The following CYP7B1 variants were observed in gnomAD, a reference collection of about 807,000 sequenced individuals.
The protein encoded by CYP7B1 is cytochrome P450 family 7 subfamily B member 1, also known as cytochrome P450 7B1.
CYP7B1 carries 29 observed loss-of-function variants against 42.7 expected under a neutral mutation model. The observed-to-expected ratio is 0.68, with a 90% CI of 0.51 to 0.93. The LOEUF (loss-of-function observed/expected upper bound fraction) is 0.93. Among genes scored for constraint, CYP7B1 ranks in the 40% least tolerant of loss-of-function variants. CYP7B1 has a pLI of 0.00. For synonymous variants in CYP7B1, 235 were observed against 218.2 expected (o/e 1.08, Z -0.68); for missense variants, 655 against 600.5 (o/e 1.09, Z -0.95).
chr8:64,682,046 G>A (rs1276183468), intron 1 of CYP7B1, among the ~76,000 whole-genome samples: 3 of 152,186 alleles, frequency 2.0e-5, no homozygotes, highest in Non-Finnish European at 4.4e-5. Context: ...AGTGGCAGGG[G>A]AAAGCTTTCC....
At chr8:64,775,176 G>A (rs1804304321) in intron 1 of CYP7B1, among the ~76,000 whole-genome samples, 1 of 152,006 alleles carries the variant, frequency 6.6e-6, no homozygotes, top group Non-Finnish European at 1.5e-5. Flanking sequence ...CTAATTCTCT[G>A]AAATAGCATT....
At chr8:64,759,946 G>A (rs1395229070) in intron 1 of CYP7B1, among the ~76,000 whole-genome samples, 4 of 151,968 alleles carry the variant, frequency 2.6e-5, no homozygotes, top group African/African-American at 9.7e-5. Context: ...CCCAAGAGAG[G>A]ATCAATATTT....
At chr8:64,748,796 T>G (rs749329984) in intron 1 of CYP7B1, among the ~76,000 whole-genome samples, 1 of 152,158 alleles carries the variant, frequency 6.6e-6, no homozygotes, top group Non-Finnish European at 1.5e-5. Flanking sequence ...ACCTCCAAAC[T>G]CACATCCTTC....
chr8:64,636,581 C>T (rs931432482), intron 1 of CYP7B1, among the ~76,000 whole-genome samples: 7 of 152,050 alleles, frequency 4.6e-5, no homozygotes, highest in Non-Finnish European at 1.0e-4. Context: ...AAGATTTTTT[C>T]ATTCACTTGA....
At chr8:64,704,691 A>G (rs1181298562) in intron 1 of CYP7B1, among the ~76,000 whole-genome samples, 2 of 152,036 alleles carry the variant, frequency 1.3e-5, no homozygotes, top group African/African-American at 4.8e-5. Flanking sequence ...GCATTCAGGG[A>G]TATATAACAT....
chr8:64,758,770 G>A (rs1036079753), intron 1 of CYP7B1, among the ~76,000 whole-genome samples: 8 of 152,122 alleles, frequency 5.3e-5, no homozygotes, highest in Admixed American at 5.2e-4. Flanking sequence ...CTGTGGTAAG[G>A]ATCAGATGGA....
chr8:64,605,008 G>C (rs1459419991), intron 4 of CYP7B1, 151 bp from the exon 5 acceptor site: 16 of 951,904 alleles, frequency 1.7e-5, no homozygotes, highest in Non-Finnish European at 3.2e-6. Flanking sequence ...GGAGCCAAGG[G>C]TGGCTGTGCA....
intron 1 of CYP7B1, among the ~76,000 whole-genome samples, chr8:64,791,816 C>A (rs1217252451): frequency 6.6e-6 from 1 of 152,132 alleles, no homozygotes; most frequent in African/African-American, 2.4e-5. Context: ...GTAGAATTGG[C>A]TTTGGAGTTG....
At chr8:64,654,220 G>A (rs1806086243) in intron 1 of CYP7B1, among the ~76,000 whole-genome samples, 1 of 152,176 alleles carries the variant, frequency 6.6e-6, no homozygotes, top group African/African-American at 2.4e-5. Flanking sequence ...AGAAAGAGAA[G>A]AAGTCAAACT....
chr8:64,731,065 CA>C (rs1807402067), intron 1 of CYP7B1, among the ~76,000 whole-genome samples: 1 of 152,154 alleles, frequency 6.6e-6, no homozygotes, highest in Admixed American at 6.5e-5. Context: ...GAGGCCTCTC[CA>C]GCCATTCTGA....
chr8:64,719,096 A>C (rs1186568015), intron 1 of CYP7B1, among the ~76,000 whole-genome samples: 1 of 152,244 alleles, frequency 6.6e-6, no homozygotes, highest in Non-Finnish European at 1.5e-5. Flanking sequence ...CCAAGAAATT[A>C]GATTAAATGG....
intron 1 of CYP7B1, among the ~76,000 whole-genome samples, chr8:64,767,569 A>G (rs1005337780): frequency 2.0e-5 from 3 of 152,232 alleles, no homozygotes; most frequent in Non-Finnish European, 4.4e-5. Context: ...TAACCAATGG[A>G]AATTTTAAAA....
intron 1 of CYP7B1, among the ~76,000 whole-genome samples, chr8:64,788,561 C>T (rs567452248): frequency 6.6e-5 from 10 of 152,250 alleles, no homozygotes; most frequent in African/African-American, 2.4e-4. Context: ...GGGTGCTGTC[C>T]TGTCAAGGGC....
At chr8:64,754,599 G>A (rs1457075383) in intron 1 of CYP7B1, among the ~76,000 whole-genome samples, 1 of 152,122 alleles carries the variant, frequency 6.6e-6, no homozygotes, top group Non-Finnish European at 1.5e-5. Flanking sequence ...AGGGAGGGAG[G>A]GAGGCCTGGA....
chr8:64,777,381 T>A (rs1804344839), intron 1 of CYP7B1, among the ~76,000 whole-genome samples: 2 of 152,062 alleles, frequency 1.3e-5, no homozygotes, highest in African/African-American at 4.8e-5. Context: ...TGCTCAAGCC[T>A]CAGCTAGGAA....
chr8:64,672,332 C>T (rs1022139286), intron 1 of CYP7B1, among the ~76,000 whole-genome samples: 5 of 152,046 alleles, frequency 3.3e-5, no homozygotes, highest in African/African-American at 1.2e-4. Flanking sequence ...TATGCAATTG[C>T]TTTTATCTGA....
chr8:64,617,302 A>G (rs1310453431), intron 2 of CYP7B1, among the ~76,000 whole-genome samples: 2 of 152,190 alleles, frequency 1.3e-5, no homozygotes, highest in African/African-American at 2.4e-5. Context: ...AGTGATTCTT[A>G]TAAGGATGCA....
intron 1 of CYP7B1, among the ~76,000 whole-genome samples, chr8:64,693,425 G>A (rs1415299979): frequency 1.3e-5 from 2 of 152,182 alleles, no homozygotes; most frequent in Non-Finnish European, 2.9e-5. Flanking sequence ...CAGAGGCCAG[G>A]CTCCCTCTTA....
At chr8:64,747,842 T>C (rs1247319820) in intron 1 of CYP7B1, among the ~76,000 whole-genome samples, 1 of 152,130 alleles carries the variant, frequency 6.6e-6, no homozygotes, top group East Asian at 1.9e-4. Context: ...ATTATTATCA[T>C]CACCATTGTC....
Sources: allele counts gnomAD v4.1 joint callset (sites outside exome capture counted in the v4.1 genomes callset), GRCh38; gene constraint gnomAD v4.1.1; transcripts MANE v1.5; gene names NCBI Gene and HGNC (gene_info 2026-07-23, HGNC 2026-07-21).